The following TENM3 variants were observed in gnomAD, a reference collection of about 807,000 sequenced individuals.
TENM3 encodes teneurin transmembrane protein 3.
A neutral mutation model predicts 255.1 loss-of-function variants in TENM3; 63 were observed. The observed-to-expected ratio is 0.25, with a 90% CI of 0.20 to 0.30. The LOEUF (loss-of-function observed/expected upper bound fraction) is 0.30. Among genes scored for constraint, TENM3 ranks in the 10% least tolerant of loss-of-function variants. The pLI is 1.00. For synonymous variants in TENM3, 1,306 were observed against 1,322.3 expected, an observed-to-expected ratio of 0.99 and a Z score of 0.27; for missense variants, 2,929 against 3,461.1, an observed-to-expected ratio of 0.85 and a Z score of 3.86.
the TENM3 span, among the ~76,000 whole-genome samples, chr4:181,638,877 C>T: frequency 2.6e-5 from 4 of 152,060 alleles, no homozygotes; most frequent in African/African-American, 4.8e-5. Flanking sequence ...TTAACACATC[C>T]GTGTATTAAT....
chr4:182,447,498 T>C (rs1182623740), intron 3 of TENM3, among the ~76,000 whole-genome samples: 1 of 152,198 alleles, frequency 6.6e-6, no homozygotes. Flanking sequence ...ACTGTTGTTG[T>C]TGAATCATGG....
chr4:182,103,590 C>T, the TENM3 span, among the ~76,000 whole-genome samples: 33 of 152,304 alleles, frequency 2.2e-4, no homozygotes, highest in African/African-American at 7.9e-4. Flanking sequence ...AGCCTGCAAT[C>T]CAGCACTGCC....
intron 3 of TENM3, among the ~76,000 whole-genome samples, chr4:182,422,247 A>C (rs1224872241): frequency 6.6e-6 from 1 of 152,076 alleles, no homozygotes; most frequent in Non-Finnish European, 1.5e-5. Context: ...TAGTGTTAGA[A>C]GTTCTAAAGC....
intron 4 of TENM3, among the ~76,000 whole-genome samples, chr4:182,608,475 G>T (rs1375841625): frequency 2.0e-5 from 3 of 152,098 alleles, no homozygotes; most frequent in Non-Finnish European, 4.4e-5. Flanking sequence ...CGGCTGCTTG[G>T]CGTTTATTTT....
At chr4:182,585,782 T>G (rs1343034961) in intron 3 of TENM3, among the ~76,000 whole-genome samples, 1 of 152,210 alleles carries the variant, frequency 6.6e-6, no homozygotes, top group African/African-American at 2.4e-5. Context: ...TTTAACAAAC[T>G]GGCACCAAAC....
chr4:182,493,054 G>T (rs971472389), intron 3 of TENM3, among the ~76,000 whole-genome samples: 1 of 152,082 alleles, frequency 6.6e-6, no homozygotes, highest in Non-Finnish European at 1.5e-5. Flanking sequence ...AGGACAATTA[G>T]TTCTTAGAAG....
At chr4:181,948,420 T>C in the TENM3 span, among the ~76,000 whole-genome samples, 1 of 152,044 alleles carries the variant, frequency 6.6e-6, no homozygotes, top group Non-Finnish European at 1.5e-5. Flanking sequence ...TAGAAAATAA[T>C]TTTTTCTGTT....
chr4:181,600,236 T>C, the TENM3 span, among the ~76,000 whole-genome samples: 2 of 152,244 alleles, frequency 1.3e-5, no homozygotes, highest in Admixed American at 1.3e-4. Flanking sequence ...ACTTGGGTTG[T>C]TTCCAGGTTT....
intron 4 of TENM3, among the ~76,000 whole-genome samples, chr4:182,612,878 C>G (rs1749148936): frequency 6.6e-6 from 1 of 152,186 alleles, no homozygotes; most frequent in African/African-American, 2.4e-5. Context: ...TGATTGTTTT[C>G]TGCCTTGTTT....
At chr4:181,609,846 T>C in the TENM3 span, among the ~76,000 whole-genome samples, 2 of 152,352 alleles carry the variant, frequency 1.3e-5, no homozygotes, top group African/African-American at 4.8e-5. Context: ...ATTTGAGCTC[T>C]ATATTTTAGA....
chr4:181,790,486 T>G, the TENM3 span, among the ~76,000 whole-genome samples: 1 of 152,190 alleles, frequency 6.6e-6, no homozygotes, highest in Admixed American at 6.5e-5. Flanking sequence ...TTAAGTTTCT[T>G]GCATGGTTAG....
chr4:181,490,946 C>T, the TENM3 span, among the ~76,000 whole-genome samples: 1 of 152,128 alleles, frequency 6.6e-6, no homozygotes, highest in Non-Finnish European at 1.5e-5. Flanking sequence ...CCCTCCAAAA[C>T]AAGCGTAATT....
At chr4:182,748,834 T>C (rs7699605) in intron 19 of TENM3, among the ~76,000 whole-genome samples, 2 of 152,204 alleles carry the variant, frequency 1.3e-5, no homozygotes, top group African/African-American at 2.4e-5. Flanking sequence ...TTCTGGACAA[T>C]AGAGTTGTGT....
At chr4:181,598,874 G>A in the TENM3 span, among the ~76,000 whole-genome samples, 11 of 152,162 alleles carry the variant, frequency 7.2e-5, no homozygotes, top group African/African-American at 2.2e-4. Flanking sequence ...TTTTAAACAC[G>A]CAGGTTTTTC....
chr4:182,303,743 A>C (rs906027531), intron 1 of TENM3, among the ~76,000 whole-genome samples: 3 of 152,278 alleles, frequency 2.0e-5, no homozygotes, highest in African/African-American at 7.2e-5. Flanking sequence ...GAGATAAGGC[A>C]TGTAAAGTGG....
intron 18 of TENM3, among the ~76,000 whole-genome samples, chr4:182,740,740 A>T (rs1220870448): frequency 1.3e-5 from 2 of 152,222 alleles, no homozygotes. Context: ...AGAAATATGT[A>T]GATGTTCTGT....
chr4:182,704,603 C>T (rs1406977447), intron 12 of TENM3, among the ~76,000 whole-genome samples: 8 of 152,024 alleles, frequency 5.3e-5, no homozygotes, highest in Non-Finnish European at 1.0e-4. Context: ...GTATAAATAC[C>T]GTTCCAAGTT....
rs374228200 is a variant in TENM3, at chr4:182,730,193, C to G, written c.2586-7C>G. 5.6e-5 allele frequency: 91 copies of G among 1,613,382 alleles called. No homozygotes were observed. The highest frequency in any genetic ancestry group is 6.9e-5 in the Non-Finnish European group (81 of 1,179,686). The stretch of plus-strand genomic sequence containing the variant: ...TGTTCATTCTCATTCTTCTGCTTTT[C>G]CAACAGCCTTGCATCTGTCATCAGA... On this transcript the variant is annotated splice_region_variant and splice_polypyrimidine_tract_variant and intron_variant, in intron 14 of 27. Transcript: ENST00000511685.
At chr4:182,238,940 T>C (rs1224947946), upstream of TENM3, among the ~76,000 whole-genome samples, 1 of 152,066 alleles carries the variant, frequency 6.6e-6, no homozygotes, top group African/African-American at 2.4e-5. Flanking sequence ...GGACTGATAT[T>C]ATAATTTTTG....
Sources: gnomAD v4.1 joint callset for allele counts (sites outside exome capture counted in the v4.1 genomes callset) on GRCh38, gnomAD v4.1.1 for gene constraint, MANE v1.5 for transcripts, NCBI Gene and HGNC (gene_info 2026-07-23, HGNC 2026-07-21) for gene names.